Variants in KCNT2 observed in about 807,000 individuals in gnomAD.
KCNT2 encodes potassium sodium-activated channel subfamily T member 2, also known as potassium channel subfamily T member 2.
KCNT2 carries 67 observed loss-of-function variants against 153.8 expected under a neutral mutation model. That is an observed-to-expected ratio of 0.44 (90% CI 0.36 to 0.53). KCNT2 has a LOEUF of 0.53. KCNT2 is among the 20% of genes least tolerant of loss of function. The probability of loss-of-function intolerance (pLI) is 0.00; values close to 1 mark genes in which losing one functional copy is unlikely to be tolerated. For synonymous variants in KCNT2, 500 were observed against 458.8 expected (o/e 1.09, Z -1.15); for missense variants, 975 against 1,354.8 (o/e 0.72, Z 4.40).
At chr1:196,414,412 C>G (rs1672583450) in intron 12 of KCNT2, among the ~76,000 whole-genome samples, 1 of 151,684 alleles carries the variant, frequency 6.6e-6, no homozygotes, top group Non-Finnish European at 1.5e-5. Context: ...AAGCATTTCA[C>G]TAATTAATTT....
intron 23 of KCNT2, among the ~76,000 whole-genome samples, chr1:196,282,741 G>A (rs376332197): frequency 1.6e-4 from 25 of 152,242 alleles, no homozygotes; most frequent in African/African-American, 6.0e-4. Context: ...TCTTTTTTTA[G>A]TATTAAGCTC....
intron 25 of KCNT2, among the ~76,000 whole-genome samples, chr1:196,268,185 C>A (rs900134966): frequency 1.3e-5 from 2 of 152,150 alleles, no homozygotes; most frequent in Non-Finnish European, 1.5e-5. Flanking sequence ...TCTGGTCCAG[C>A]CAACGGCAGA....
intron 1 of KCNT2, among the ~76,000 whole-genome samples, chr1:196,583,608 AG>A (rs1312137020): frequency 2.0e-5 from 3 of 152,214 alleles, no homozygotes; most frequent in Admixed American, 2.0e-4. Context: ...AAAGAAGGGA[AG>A]ACTGTAAAGG....
intron 1 of KCNT2, among the ~76,000 whole-genome samples, chr1:196,544,824 T>C (rs2148881962): frequency 6.6e-6 from 1 of 152,248 alleles, no homozygotes; most frequent in East Asian, 1.9e-4. Context: ...CATGTCTTGT[T>C]ATACATGATC....
At position 196,465,394 on chromosome 1, in the gene KCNT2, TA is replaced by T; in HGVS notation, c.544-8del. ...TGGCTCTGTGTAGATCATTCTAAAA[TA>T]ATACAGAAAAAAAGTTGTAAATTTT... On this transcript the variant is annotated splice_region_variant and splice_polypyrimidine_tract_variant and intron_variant, in intron 7 of 27. Coordinates refer to ENST00000294725, the MANE Select transcript of KCNT2 (RefSeq NM_198503.5). 1 of 1,546,154 alleles carries T rather than the reference TA, an allele frequency of 6.5e-7. No homozygotes were observed. Among genetic ancestry groups the T allele is most frequent in the Non-Finnish European group, 8.9e-7 (1 of 1,124,716 alleles).
chr1:196,569,524 G>A (rs1000647218), intron 1 of KCNT2, among the ~76,000 whole-genome samples: 1 of 152,100 alleles, frequency 6.6e-6, no homozygotes, highest in African/African-American at 2.4e-5. Flanking sequence ...TTAGGATAAA[G>A]CTATCATTTC....
chr1:196,465,047 C>T (rs1379869304), intron 8 of KCNT2, among the ~76,000 whole-genome samples: 1 of 151,996 alleles, frequency 6.6e-6, no homozygotes, highest in Non-Finnish European at 1.5e-5. Context: ...TGGCTGTTTA[C>T]AGCAGTTGGT....
At chr1:196,340,736 A>G (rs1383331835) in intron 15 of KCNT2, among the ~76,000 whole-genome samples, 166 bp from the exon 16 acceptor site, 1 of 151,988 alleles carries the variant, frequency 6.6e-6, no homozygotes, top group African/African-American at 2.4e-5. Flanking sequence ...GTGTTGTAAA[A>G]CCAATTTAGC....
chr1:196,488,283 C>T (rs959332517), intron 3 of KCNT2, among the ~76,000 whole-genome samples: 1 of 151,878 alleles, frequency 6.6e-6, no homozygotes, highest in Admixed American at 6.6e-5. Context: ...AGCCTGCACC[C>T]ATAAAGGCGA....
At chr1:196,485,586 A>G (rs1464672873) in intron 3 of KCNT2, among the ~76,000 whole-genome samples, 1 of 151,944 alleles carries the variant, frequency 6.6e-6, no homozygotes, top group African/African-American at 2.4e-5. Flanking sequence ...TAAAAAAGAC[A>G]TACTTATTTC....
chr1:196,401,816 TA>T (rs1237940233), intron 12 of KCNT2, among the ~76,000 whole-genome samples: 2 of 151,564 alleles, frequency 1.3e-5, no homozygotes, highest in Admixed American at 6.6e-5. Context: ...GTAGAAGACA[TA>T]CACTTATAAG....
chr1:196,518,478 TAA>T (rs35962682), intron 1 of KCNT2, among the ~76,000 whole-genome samples: 10,129 of 126,318 alleles, frequency 0.08, 1,011 homozygotes, highest in African/African-American at 0.25. Context: ...AAGCTGGATT[TAA>T]AAAAAAAAAA....
intron 1 of KCNT2, among the ~76,000 whole-genome samples, chr1:196,535,586 A>G (rs1160358743): frequency 6.6e-6 from 1 of 152,184 alleles, no homozygotes; most frequent in African/African-American, 2.4e-5. Context: ...TGGTTTTACC[A>G]AGGTTATAAA....
At chr1:196,364,090 GA>G (rs202220249) in intron 14 of KCNT2, among the ~76,000 whole-genome samples, 1,694 of 151,592 alleles carry the variant, frequency 0.011, 30 homozygotes, top group African/African-American at 0.039. Context: ...AGACATTAAT[GA>G]AAAAAAATAA....
intron 14 of KCNT2, 38 bp from the exon 15 acceptor site, chr1:196,342,266 A>C: frequency 6.4e-7 from 1 of 1,553,736 alleles, no homozygotes; most frequent in Non-Finnish European, 8.8e-7. Flanking sequence ...ACACACAAAA[A>C]GAAAACACAG....
At chr1:196,504,471 A>G (rs1433936802) in intron 1 of KCNT2, among the ~76,000 whole-genome samples, 1 of 151,794 alleles carries the variant, frequency 6.6e-6, no homozygotes, top group Non-Finnish European at 1.5e-5. Context: ...CATTTTCTTA[A>G]TCCAGTCTAT....
chr1:196,477,937 C>G (rs1032203769), intron 5 of KCNT2, among the ~76,000 whole-genome samples: 14 of 152,130 alleles, frequency 9.2e-5, no homozygotes, highest in African/African-American at 3.1e-4. Context: ...TCAAAAGTTC[C>G]AGATTCTCAT....
chr1:196,565,440 A>G (rs921788246), intron 1 of KCNT2, among the ~76,000 whole-genome samples: 3 of 151,800 alleles, frequency 2.0e-5, no homozygotes, highest in African/African-American at 7.2e-5. Context: ...CTGGGTATAC[A>G]TCCAAAGGAA....
intron 27 of KCNT2, among the ~76,000 whole-genome samples, chr1:196,231,881 C>T (rs1347504343): frequency 6.6e-6 from 1 of 151,764 alleles, no homozygotes; most frequent in East Asian, 1.9e-4. Flanking sequence ...ATATGCAACA[C>T]AGCATTCTAA....
Sources: allele counts gnomAD v4.1 joint callset (sites outside exome capture counted in the v4.1 genomes callset), GRCh38; gene constraint gnomAD v4.1.1; transcripts MANE v1.5; gene names NCBI Gene and HGNC (gene_info 2026-07-23, HGNC 2026-07-21).